The following FGD6 variants were observed in gnomAD, a reference collection of about 807,000 sequenced individuals.
FGD6 encodes FYVE, RhoGEF and PH domain containing 6, also known as FYVE, RhoGEF and PH domain-containing protein 6.
A neutral mutation model predicts 149.4 loss-of-function variants in FGD6; 90 were observed. The ratio of observed to expected loss-of-function variants is 0.60; its 90% CI spans 0.51 to 0.72. FGD6 has a LOEUF of 0.72. FGD6 is among the 30% of genes least tolerant of loss of function. The pLI, the probability that FGD6 is intolerant of heterozygous loss-of-function variation, is 0.00. For missense variants in FGD6, 1,437 were observed against 1,684.8 expected (o/e 0.85, Z 2.57); for synonymous variants, 527 against 584.0 (o/e 0.90, Z 1.41).
chr12:95,115,229 G>A (rs1184948454), intron 8 of FGD6, among the ~76,000 whole-genome samples: 1 of 152,056 alleles, frequency 6.6e-6, no homozygotes, highest in Non-Finnish European at 1.5e-5. Flanking sequence ...AATGCTTACT[G>A]AATAAAAACA....
At chr12:95,175,372 G>T (rs1344048016) in intron 2 of FGD6, among the ~76,000 whole-genome samples, 3 of 152,112 alleles carry the variant, frequency 2.0e-5, no homozygotes, top group Admixed American at 2.0e-4. Flanking sequence ...AAAGCAACAG[G>T]TGTTGAATTT....
At position 95,084,637 on chromosome 12, in the gene FGD6, C is replaced by T. The variant is rs1173260579; in HGVS notation, c.4117G>A (p.Ala1373Thr). The T allele has an allele frequency of 2.5e-6, 4 of 1,573,236 alleles. No individual in the cohort carries two copies. Among genetic ancestry groups the T allele is most frequent in the Non-Finnish European group, 3.4e-6 (4 of 1,168,134 alleles). Reference protein sequence around the residue: ...YTYAASEDVAALESQPLLGFT... With the variant: ...YTYAASEDVATLESQPLLGFT... ...CCTAATAAAGGCTGACTCTCCAAAG[C>T]GGCCACGTCCTAATTTAAAAACATA... Residue 1373 changes from alanine (A) to threonine (T), a missense_variant, in exon 20 of 21, where the codon GCT becomes ACT. Coordinates refer to ENST00000343958, the MANE Select transcript of FGD6 (RefSeq NM_018351.4).
At chr12:95,147,125 G>A (rs962039116) in intron 5 of FGD6, among the ~76,000 whole-genome samples, 1 of 152,160 alleles carries the variant, frequency 6.6e-6, no homozygotes, top group Non-Finnish European at 1.5e-5. Context: ...CTGTCCTCAT[G>A]AAGGACACCA....
chr12:95,215,196 A>G (rs2056747700), intron 1 of FGD6, among the ~76,000 whole-genome samples: 1 of 152,162 alleles, frequency 6.6e-6, no homozygotes, highest in African/African-American at 2.4e-5. Context: ...ATAATTCTGA[A>G]ATCTCCACTA....
chr12:95,153,912 CGTGTGTGTGTGTGT>C (rs754945627), intron 3 of FGD6, among the ~76,000 whole-genome samples: 3 of 141,318 alleles, frequency 2.1e-5, no homozygotes, highest in Non-Finnish European at 4.6e-5. Context: ...AAATGAAATT[CGTGTGTGTGTGTGT>C]GTGTGTGTGT....
chr12:95,202,662 G>A (rs898449713), intron 2 of FGD6, among the ~76,000 whole-genome samples: 2 of 152,030 alleles, frequency 1.3e-5, no homozygotes, highest in East Asian at 3.9e-4. Flanking sequence ...CCAAAGTGCT[G>A]AGATTACAGG....
chr12:95,108,534 GC>G lies in FGD6; in HGVS notation c.3160del (p.Ala1054ProfsTer8). 6.2e-7 allele frequency: 1 copy of G among 1,614,052 alleles called. No homozygotes were observed. Among genetic ancestry groups the G allele is most frequent in the Non-Finnish European group, 8.5e-7 (1 of 1,179,954 alleles). On this transcript the variant is annotated frameshift_variant, in exon 10 of 21. Coordinates refer to ENST00000343958, the MANE Select transcript of FGD6 (RefSeq NM_018351.4). LOFTEE classifies it high-confidence loss of function. ...QDALAVVIEV[A>X]NHANDTMKQG... ...CTTCATGGTGTCATTGGCGTGGTTG[GC>G]TACCTCTATAACAACAGCAAGGGCA...
At chr12:95,189,503 C>T (rs1406688089) in intron 2 of FGD6, 3 of 152,022 alleles carry the variant, frequency 2.0e-5, no homozygotes, top group Non-Finnish European at 4.4e-5. Flanking sequence ...CAAAAATTAG[C>T]TGGGTGTGGT....
intron 2 of FGD6, among the ~76,000 whole-genome samples, chr12:95,202,390 AAAAATAAAATAAAATAAAAT>A (rs59414022): frequency 2.8e-5 from 4 of 141,794 alleles, no homozygotes; most frequent in East Asian, 2.0e-4. Flanking sequence ...CCATTTCCCA[AAAAATAAAATAAAATAAAAT>A]AAAATAAAAT....
At chr12:95,119,508 T>C (rs1279820228) in intron 8 of FGD6, among the ~76,000 whole-genome samples, 1 of 152,238 alleles carries the variant, frequency 6.6e-6, no homozygotes, top group Non-Finnish European at 1.5e-5. Context: ...GCTATTTACA[T>C]AAGTAGGATG....
intron 2 of FGD6, among the ~76,000 whole-genome samples, chr12:95,186,272 G>C (rs569610652): frequency 2.1e-5 from 2 of 95,100 alleles, no homozygotes; most frequent in Non-Finnish European, 3.8e-5. Flanking sequence ...TTTTTGAGAC[G>C]GAGTCTTGCT....
rs748559949 is a variant in FGD6, at chr12:95,107,647, A to G, written c.3265-16T>C. The stretch of plus-strand genomic sequence containing the variant: ...TGAGAAAAACCTGATTCACCCAAAC[A>G]AACACCCATTTAGTCCTACCATCAC... On this transcript the variant is annotated splice_polypyrimidine_tract_variant and intron_variant, in intron 11 of 20. Coordinates refer to ENST00000343958, the MANE Select transcript of FGD6 (RefSeq NM_018351.4). The G allele has an allele frequency of 1.9e-6, 3 of 1,613,538 alleles. No homozygotes were observed. The Admixed American group carries it at 5.0e-5, about 27-fold the overall frequency.
intron 14 of FGD6, among the ~76,000 whole-genome samples, chr12:95,101,572 A>G (rs1019046475): frequency 6.6e-6 from 1 of 152,128 alleles, no homozygotes; most frequent in African/African-American, 2.4e-5. Flanking sequence ...TGACTTTTCT[A>G]TAGGCATTTC....
chr12:95,094,159 C>CAA (rs112167103), intron 15 of FGD6, among the ~76,000 whole-genome samples: 16 of 126,658 alleles, frequency 1.3e-4, no homozygotes, highest in African/African-American at 4.7e-4. Context: ...AATTCTGTCT[C>CAA]AAAAAAAAAA....
At position 95,078,793 on chromosome 12, in the gene FGD6, C is replaced by T. The variant is rs1184462653; in HGVS notation, c.*2727G>A. On this transcript the variant is annotated 3_prime_UTR_variant, in exon 21 of 21. Coordinates refer to ENST00000343958, the MANE Select transcript of FGD6 (RefSeq NM_018351.4). ...TGCTAGTTGGGGACACTAACAATGC[C>T]AGCCTTCCCCTGGTTCAGCCTGGCG... The T allele has an allele frequency of 2.6e-5, 4 of 152,190 alleles. No homozygotes were observed. Among genetic ancestry groups the T allele is most frequent in the Non-Finnish European group, 2.9e-5 (2 of 68,028 alleles). The allele number at this position is 152,190 out of a possible 1,614,324, so 9.4% of individuals were successfully genotyped here.
chr12:95,149,910 T>C (rs1422031241), intron 5 of FGD6, among the ~76,000 whole-genome samples: 4 of 146,736 alleles, frequency 2.7e-5, no homozygotes, highest in Non-Finnish European at 4.5e-5. Flanking sequence ...CTATACTATA[T>C]AATTATATAT....
chr12:95,131,082 T>C (rs898347679), intron 8 of FGD6, among the ~76,000 whole-genome samples: 2 of 151,540 alleles, frequency 1.3e-5, no homozygotes, highest in African/African-American at 4.8e-5. Flanking sequence ...TGTCATTCTT[T>C]GGACAAAAAA....
intron 5 of FGD6, among the ~76,000 whole-genome samples, chr12:95,145,751 T>C (rs1399627418): frequency 1.3e-5 from 2 of 152,024 alleles, no homozygotes; most frequent in East Asian, 3.9e-4. Context: ...CTCGGCTCAC[T>C]GCAACCTCTG....
rs1185764963 is a variant in FGD6 at position 95,211,272 on chromosome 12, A to C, written c.17-5T>G. The C allele has an allele frequency of 1.3e-6, 2 of 1,543,674 alleles. No individual in the cohort carries two copies. The highest frequency in any genetic ancestry group is 1.7e-6 in the Non-Finnish European group (2 of 1,155,076). On this transcript the variant is annotated splice_polypyrimidine_tract_variant and splice_region_variant and intron_variant, in intron 1 of 20. Transcript: ENST00000343958. ...CCACTGGTGGCTTCTTTATCTCTAG[A>C]AAGGAAAAAATAATAATTTGATGTC...
Sources: gnomAD v4.1 joint callset for allele counts (sites outside exome capture counted in the v4.1 genomes callset) on GRCh38, gnomAD v4.1.1 for gene constraint, MANE v1.5 for transcripts, NCBI Gene and HGNC (gene_info 2026-07-23, HGNC 2026-07-21) for gene names.